MRAP2: variants seen among roughly 807,000 people sequenced by gnomAD.
MRAP2 encodes the protein melanocortin-2 receptor accessory protein 2.
A neutral mutation model predicts 17.4 loss-of-function variants in MRAP2; 20 were observed. That is an observed-to-expected ratio of 1.15 (90% CI 0.81 to 1.67). The LOEUF is 1.67. Ranked by LOEUF, MRAP2 falls within the 40% of genes most tolerant of loss-of-function variation. The pLI is 0.00. For synonymous variants in MRAP2, 96 were observed against 88.4 expected (o/e 1.09, Z -0.48); for missense variants, 238 against 240.0 (o/e 0.99, Z 0.05).
At chr6:84,063,690 A>C (rs1373652607) in intron 3 of MRAP2, among the ~76,000 whole-genome samples, 4 of 152,236 alleles carry the variant, frequency 2.6e-5, no homozygotes, top group Non-Finnish European at 5.9e-5. Flanking sequence ...CCAAATTTTT[A>C]ATAAAAGGGA....
At chr6:84,077,808 A>G (rs1223978921) in intron 3 of MRAP2, among the ~76,000 whole-genome samples, 1 of 152,214 alleles carries the variant, frequency 6.6e-6, no homozygotes, top group Non-Finnish European at 1.5e-5. Flanking sequence ...AGATTACCTC[A>G]TCTCAATATG....
the MRAP2 span, among the ~76,000 whole-genome samples, chr6:84,145,551 G>T: frequency 6.6e-6 from 1 of 152,050 alleles, no homozygotes; most frequent in Non-Finnish European, 1.5e-5. Flanking sequence ...GTAGATATCA[G>T]ATTCTAGCCT....
intron 3 of MRAP2, among the ~76,000 whole-genome samples, chr6:84,064,624 A>G (rs2099494117): frequency 6.6e-6 from 1 of 152,074 alleles, no homozygotes; most frequent in African/African-American, 2.4e-5. Flanking sequence ...AGTAGCTGGG[A>G]CTACAGGCAC....
chr6:84,132,477 C>T, the MRAP2 span, among the ~76,000 whole-genome samples: 1 of 152,194 alleles, frequency 6.6e-6, no homozygotes, highest in Non-Finnish European at 1.5e-5. Context: ...CTTTCAGGTA[C>T]ACCAATCAGA....
At chr6:84,089,048 G>C (rs1588664701) in intron 3 of MRAP2, 43 bp from the exon 4 acceptor site, 2 of 1,554,848 alleles carry the variant, frequency 1.3e-6, no homozygotes, top group East Asian at 4.5e-5. Flanking sequence ...GCAGGTGAAT[G>C]GGCTGGAGTG....
chr6:84,107,291 C>T, the MRAP2 span, among the ~76,000 whole-genome samples: 34,210 of 152,054 alleles, frequency 0.22, 8,192 homozygotes, highest in African/African-American at 0.61. Context: ...GCATTGTGCC[C>T]CCTTCTTGGT....
downstream of MRAP2, among the ~76,000 whole-genome samples, chr6:84,093,225 A>C (rs2099502068): frequency 6.6e-6 from 1 of 151,540 alleles, no homozygotes; most frequent in African/African-American, 2.4e-5. Flanking sequence ...GAGATCACCA[A>C]ACATAGGAGC....
chr6:84,100,333 G>T, the MRAP2 span, among the ~76,000 whole-genome samples: 1 of 152,118 alleles, frequency 6.6e-6, no homozygotes, highest in Non-Finnish European at 1.5e-5. Flanking sequence ...AACAATCGTG[G>T]CTCACTGCAG....
At chr6:84,100,258 TTTTA>T in the MRAP2 span, among the ~76,000 whole-genome samples, 2 of 152,132 alleles carry the variant, frequency 1.3e-5, no homozygotes, top group Non-Finnish European at 2.9e-5. Flanking sequence ...TTATTTTTAT[TTTTA>T]TTTGTTTATT....
At chr6:84,137,708 T>A in the MRAP2 span, among the ~76,000 whole-genome samples, 1 of 152,036 alleles carries the variant, frequency 6.6e-6, no homozygotes, top group East Asian at 1.9e-4. Flanking sequence ...AAGAAATAAA[T>A]GAACTGAAGA....
chr6:84,088,471 CA>C (rs1487705219), intron 3 of MRAP2, among the ~76,000 whole-genome samples: 1 of 152,172 alleles, frequency 6.6e-6, no homozygotes, highest in Non-Finnish European at 1.5e-5. Flanking sequence ...ACTAAGTGGG[CA>C]ATTTGACTGC....
At chr6:84,137,284 T>C in the MRAP2 span, among the ~76,000 whole-genome samples, 2 of 152,204 alleles carry the variant, frequency 1.3e-5, no homozygotes, top group Non-Finnish European at 2.9e-5. Context: ...GGTTGTTGTG[T>C]GACTCTAAAC....
chr6:84,073,514 C>A (rs1252546335), intron 3 of MRAP2, among the ~76,000 whole-genome samples: 1 of 152,166 alleles, frequency 6.6e-6, no homozygotes, highest in African/African-American at 2.4e-5. Flanking sequence ...TTTGTTCTTG[C>A]AGTGGATCTG....
chr6:84,103,471 TG>T, the MRAP2 span, among the ~76,000 whole-genome samples: 4 of 152,198 alleles, frequency 2.6e-5, no homozygotes, highest in African/African-American at 4.8e-5. Flanking sequence ...TTCCTGATAA[TG>T]AGCAAAATAG....
chr6:84,122,352 C>CAAAAAAAAAAAAA, the MRAP2 span, among the ~76,000 whole-genome samples: 22 of 36,134 alleles, frequency 6.1e-4, 1 homozygote, highest in East Asian at 1.0e-3. Flanking sequence ...ACAGCACATC[C>CAAAAAAAAAAAAA]AAAAAAAAAA....
At chr6:84,048,082 G>A (rs2099489497) in intron 1 of MRAP2, among the ~76,000 whole-genome samples, 1 of 152,180 alleles carries the variant, frequency 6.6e-6, no homozygotes, top group African/African-American at 2.4e-5. Flanking sequence ...GAACATAGGT[G>A]TGTATGAATA....
chr6:84,130,026 A>T, the MRAP2 span, among the ~76,000 whole-genome samples: 5 of 152,136 alleles, frequency 3.3e-5, no homozygotes, highest in African/African-American at 7.2e-5. Context: ...TTATTTTGTG[A>T]TACGTTCCAT....
intron 1 of MRAP2, among the ~76,000 whole-genome samples, chr6:84,037,104 C>A (rs2099486266): frequency 6.6e-6 from 1 of 151,510 alleles, no homozygotes; most frequent in Non-Finnish European, 1.5e-5. Context: ...TTCTCTAAGT[C>A]CCCACTAGAT....
intron 1 of MRAP2, among the ~76,000 whole-genome samples, chr6:84,039,015 T>C (rs2099486848): frequency 2.0e-5 from 3 of 152,224 alleles, no homozygotes; most frequent in Non-Finnish European, 2.9e-5. Flanking sequence ...CTGTGTTTAT[T>C]GTTACATTTA....
Sources: gnomAD v4.1 joint callset for allele counts (sites outside exome capture counted in the v4.1 genomes callset) on GRCh38, gnomAD v4.1.1 for gene constraint, MANE v1.5 for transcripts, NCBI Gene and HGNC (gene_info 2026-07-23, HGNC 2026-07-21) for gene names.